NR6A1: variants seen among roughly 807,000 people sequenced by gnomAD.
NR6A1 encodes retinoic acid receptor-related testis-associated receptor.
NR6A1 carries 7 observed loss-of-function variants against 59.1 expected under a neutral mutation model. That is an observed-to-expected ratio of 0.12 (90% CI 0.07 to 0.22). NR6A1 has a LOEUF of 0.22. Among genes scored for constraint, NR6A1 ranks in the 10% least tolerant of loss-of-function variants. NR6A1 has a pLI of 1.00. For synonymous variants in NR6A1, 243 were observed against 236.1 expected (o/e 1.03, Z -0.27); for missense variants, 468 against 611.6 (o/e 0.77, Z 2.48).
chr9:124,745,200 C>T lies in NR6A1; in HGVS notation c.101-11851G>A, dbSNP rs960515527. Reference sequence around the variant, plus strand: ...AAGGGCAAATACCATATTAAAAATACAATGTAAAACTGTATTCTTGGAATG... The same window carrying T: ...AAGGGCAAATACCATATTAAAAATATAATGTAAAACTGTATTCTTGGAATG... On this transcript the variant is annotated intron_variant, in intron 1 of 9. Transcript: ENST00000487099. Among the ~76,000 whole-genome samples, 4 of 151,370 alleles carry T rather than the reference C, an allele frequency of 2.6e-5. No individual in the cohort carries two copies. The South Asian group carries it at 8.3e-4, about 32-fold the overall frequency.
In NR6A1 at chr9:124,771,088, C is replaced by G. The variant is rs1245665373; in HGVS notation, c.32G>C (p.Gly11Ala). 3.3e-6 allele frequency: 4 copies of G among 1,230,336 alleles called. No homozygotes were observed. The highest frequency in any genetic ancestry group is 1.6e-5 in the African/African-American group (1 of 64,326). The allele number at this position is 1,230,336 out of a possible 1,614,324, so 76.2% of individuals were successfully genotyped here. A position where few individuals can be genotyped will look rare whatever the true frequency, so the allele number is the denominator to read the frequency against. Reference protein sequence around the residue: MERDEPPPSGGGGGGGSAGFL... With the variant: MERDEPPPSGAGGGGGSAGFL... ...CCCCGCCGAGCCCCCGCCGCCTCCC[C>G]CTCCGCTAGGCGGCGGTTCGTCCCG... Residue 11 changes from glycine to alanine, a missense_variant, in exon 1 of 10, where the codon GGG (glycine) becomes GCG (alanine). Physicochemically the swap from Gly to Ala is moderately conservative, Grantham distance 60. Around this residue, in one of 4 missense-constraint regions of NR6A1, gnomAD observed 75 missense variants for 65.6 expected, o/e 1.14. Coordinates refer to ENST00000487099, the MANE Select transcript of NR6A1 (RefSeq NM_033334.4).
chr9:124,759,458 C>T (rs1196200813), intron 1 of NR6A1, among the ~76,000 whole-genome samples: 2 of 152,140 alleles, frequency 1.3e-5, no homozygotes, highest in Non-Finnish European at 2.9e-5. Context: ...ATATTGGCCC[C>T]AATTTCCTCA....
chr9:124,650,773 G>A (rs1359875538), intron 2 of NR6A1, among the ~76,000 whole-genome samples: 1 of 152,122 alleles, frequency 6.6e-6, no homozygotes, highest in Non-Finnish European at 1.5e-5. Context: ...GAAAGCAGTA[G>A]GCCCAGATGG....
chr9:124,676,182 C>T (rs548362359), intron 2 of NR6A1, among the ~76,000 whole-genome samples: 4 of 152,162 alleles, frequency 2.6e-5, no homozygotes, highest in South Asian at 2.1e-4. Context: ...CCTAGGAAAA[C>T]GGCAAATTTA....
chr9:124,557,587 TAAAG>T lies in NR6A1; in HGVS notation c.143-3021_143-3018del, dbSNP rs569967290. Among the ~76,000 whole-genome samples, 174 of 152,262 alleles carry T rather than the reference TAAAG, an allele frequency of 1.1e-3. 1 individual carries two copies. Among genetic ancestry groups the T allele is most frequent in the African/African-American group, 3.8e-3 (158 of 41,552 alleles). On this transcript the variant is annotated intron_variant, in intron 2 of 9. Transcript: ENST00000487099. ...TCCTTTTATTTTCCTTTTGAAAACA[TAAAG>T]AAAGCTCAAGGTAAACACTACAGAA...
At chr9:124,730,909 T>C (rs1839865482) in intron 2 of NR6A1, among the ~76,000 whole-genome samples, 4 of 152,158 alleles carry the variant, frequency 2.6e-5, no homozygotes, top group Admixed American at 2.6e-4. Flanking sequence ...ACAAGAGCTA[T>C]ACTTATTTAT....
chr9:124,619,678 C>T (rs1000861362), intron 2 of NR6A1, among the ~76,000 whole-genome samples: 2 of 152,200 alleles, frequency 1.3e-5, no homozygotes, highest in African/African-American at 4.8e-5. Context: ...TGTGACTTTA[C>T]ACTTCATCCT....
chr9:124,538,989 C>A (rs1833365672), intron 5 of NR6A1, among the ~76,000 whole-genome samples: 1 of 151,308 alleles, frequency 6.6e-6, no homozygotes, highest in Non-Finnish European at 1.5e-5. Context: ...GGAAGGATCA[C>A]TTAAGGCTAG....
chr9:124,522,805 G>A lies in NR6A1; in HGVS notation c.1355-12C>T, dbSNP rs193206262. The A allele has an allele frequency of 5.1e-6, 8 of 1,571,016 alleles. No homozygotes were observed. The highest frequency in any genetic ancestry group is 1.7e-4 in the Middle Eastern group (1 of 6,036). On this transcript the variant is annotated splice_polypyrimidine_tract_variant and intron_variant, in intron 9 of 9. Transcript: ENST00000487099. The stretch of plus-strand genomic sequence containing the variant: ...ATTCACCATCTTTCCTGGGAACAAG[G>A]GGGGAGAAGAAGAGTTAGCAGTGGT...
chr9:124,637,914 A>AG (rs1371525887), intron 2 of NR6A1, among the ~76,000 whole-genome samples: 1 of 143,566 alleles, frequency 7.0e-6, no homozygotes, highest in Non-Finnish European at 1.5e-5. Flanking sequence ...AAAAAAAAAG[A>AG]AAAAAAGGGA....
intron 7 of NR6A1, among the ~76,000 whole-genome samples, chr9:124,534,980 CGG>C (rs1481645156): frequency 1.3e-5 from 2 of 152,094 alleles, no homozygotes; most frequent in African/African-American, 4.8e-5. Flanking sequence ...AAAAATTAGC[CGG>C]GCGTGGTGGC....
chr9:124,620,954 G>C (rs966262681), intron 2 of NR6A1, among the ~76,000 whole-genome samples: 9 of 152,164 alleles, frequency 5.9e-5, no homozygotes. Flanking sequence ...AGACAGAGTA[G>C]GGACCATGCT....
chr9:124,702,933 C>T (rs1250000847), intron 2 of NR6A1, among the ~76,000 whole-genome samples: 1 of 151,656 alleles, frequency 6.6e-6, no homozygotes, highest in African/African-American at 2.4e-5. Context: ...TGGAGTCTCA[C>T]TCTGTCACCC....
intron 2 of NR6A1, among the ~76,000 whole-genome samples, chr9:124,662,233 T>C (rs763827050): frequency 6.6e-6 from 1 of 152,170 alleles, no homozygotes; most frequent in Non-Finnish European, 1.5e-5. Context: ...ACTAATTTAG[T>C]GTCAAAAACT....
intron 2 of NR6A1, among the ~76,000 whole-genome samples, chr9:124,626,252 C>T (rs543815102): frequency 4.6e-5 from 7 of 152,268 alleles, no homozygotes; most frequent in South Asian, 2.1e-4. Context: ...GTGATCTGCC[C>T]GCCTTGGCCT....
At chr9:124,674,565 A>G (rs1164855129) in intron 2 of NR6A1, among the ~76,000 whole-genome samples, 1 of 152,344 alleles carries the variant, frequency 6.6e-6, no homozygotes, top group Non-Finnish European at 1.5e-5. Context: ...CCTAAAAATA[A>G]AACCTGGAAC....
intron 1 of NR6A1, among the ~76,000 whole-genome samples, chr9:124,764,186 A>C (rs1246073803): frequency 1.3e-5 from 2 of 150,996 alleles, no homozygotes; most frequent in Non-Finnish European, 3.0e-5. Flanking sequence ...TCCATCACAA[A>C]AAAAAAAAAA....
chr9:124,656,846 C>CA (rs1239303770), intron 2 of NR6A1, among the ~76,000 whole-genome samples: 5 of 151,910 alleles, frequency 3.3e-5, no homozygotes, highest in African/African-American at 1.2e-4. Context: ...AAACAAAAAA[C>CA]AAAAAATCAA....
intron 2 of NR6A1, among the ~76,000 whole-genome samples, chr9:124,574,413 AG>A (rs1485758125): frequency 6.6e-6 from 1 of 152,250 alleles, no homozygotes; most frequent in Non-Finnish European, 1.5e-5. Flanking sequence ...GCCTTAGCAG[AG>A]TCATTTAACT....
Sources: gnomAD v4.1 joint callset for allele counts (sites outside exome capture counted in the v4.1 genomes callset) on GRCh38, gnomAD v4.1.1 for gene constraint, gnomAD v4.1.1 regional missense constraint, MANE v1.5 for transcripts, NCBI Gene and HGNC (gene_info 2026-07-23, HGNC 2026-07-21) for gene names.